The following EPHA6 variants were observed in gnomAD, a reference collection of about 807,000 sequenced individuals.
The protein encoded by EPHA6 is EPH receptor A6.
In EPHA6, 50 loss-of-function variants were observed where a neutral mutation model predicts 112.0. That is an observed-to-expected ratio of 0.45 (90% CI 0.36 to 0.56). The LOEUF is 0.56. EPHA6 is among the 20% of genes least tolerant of loss of function. The pLI is 0.00. For synonymous variants in EPHA6, 529 were observed against 490.7 expected, an observed-to-expected ratio of 1.08 and a Z score of -1.03; for missense variants, 1,280 against 1,417.4, an observed-to-expected ratio of 0.90 and a Z score of 1.56.
At chr3:97,067,537 A>AATATATAT (rs10544034) in intron 3 of EPHA6, among the ~76,000 whole-genome samples, 1,865 of 148,050 alleles carry the variant, frequency 0.013, 38 homozygotes, top group African/African-American at 0.039. Context: ...TTATCAGGAA[A>AATATATAT]ATATATATAT....
chr3:97,732,933 A>G (rs2035100204), intron 15 of EPHA6, among the ~76,000 whole-genome samples: 1 of 152,050 alleles, frequency 6.6e-6, no homozygotes, highest in Non-Finnish European at 1.5e-5. Flanking sequence ...TGTAAATTAA[A>G]GAATTGAGGA....
intron 5 of EPHA6, among the ~76,000 whole-genome samples, chr3:97,244,905 A>T (rs2078943223): frequency 6.6e-6 from 1 of 151,968 alleles, no homozygotes; most frequent in African/African-American, 2.4e-5. Context: ...TCAGGCGCAA[A>T]CACTCCTATG....
chr3:97,083,849 A>C (rs2046801578), intron 3 of EPHA6, among the ~76,000 whole-genome samples: 1 of 151,654 alleles, frequency 6.6e-6, no homozygotes, highest in Non-Finnish European at 1.5e-5. Flanking sequence ...TCATTAATGG[A>C]AAAATGGGTA....
rs143454326 is a variant in EPHA6, at chr3:96,957,335, G to A, written c.451-29995G>A. ...TTGCATGGCTAAAGATATAACTATGGTAGACAGACGTTCTCAATTTAATTT... is the reference window on the plus strand; with the variant it reads ...TTGCATGGCTAAAGATATAACTATGATAGACAGACGTTCTCAATTTAATTT... On this transcript the variant is annotated intron_variant, in intron 2 of 17. Transcript: ENST00000389672. 4.6e-5 allele frequency among the ~76,000 whole-genome samples: 7 copies of A among 152,296 alleles called. 1 individual carries two copies. The South Asian group carries it at 1.0e-3, about 23-fold the overall frequency.
intron 11 of EPHA6, among the ~76,000 whole-genome samples, chr3:97,542,358 CCTT>C (rs1325455036): frequency 6.6e-6 from 1 of 151,980 alleles, no homozygotes; most frequent in East Asian, 1.9e-4. Flanking sequence ...GGTTTTTTGT[CCTT>C]CTGATATTTT....
Position 97,588,417 on chromosome 3 carries a change from T to TTAAGG in EPHA6, c.2387-4194_2387-4193insAAGGT, listed in dbSNP as rs550082279. 6.9e-3 allele frequency among the ~76,000 whole-genome samples: 1,046 copies of TTAAGG among 152,332 alleles called. 5 individuals are homozygous for TTAAGG. The highest frequency in any genetic ancestry group is 0.023 in the African/African-American group (961 of 41,572). ...GTCTACTTATAGATCTTAATGTGTA[T>TTAAGG]TTGCAAAAATGCAACCTAATGAAAA... On this transcript the variant is annotated intron_variant, in intron 11 of 17. Transcript: ENST00000389672.
intron 2 of EPHA6, among the ~76,000 whole-genome samples, chr3:96,885,374 T>A (rs2037565321): frequency 6.6e-6 from 1 of 152,170 alleles, no homozygotes; most frequent in Admixed American, 6.5e-5. Flanking sequence ...TTTTGGTTGG[T>A]ATTTTTTAAA....
At chr3:97,500,188 C>T (rs1354213354) in intron 10 of EPHA6, among the ~76,000 whole-genome samples, 3 of 152,264 alleles carry the variant, frequency 2.0e-5, no homozygotes, top group African/African-American at 7.2e-5. Context: ...TGTCTTCCAC[C>T]TCCACATCTT....
At chr3:97,636,800 G>T (rs929872099) in intron 13 of EPHA6, among the ~76,000 whole-genome samples, 6 of 151,924 alleles carry the variant, frequency 3.9e-5, no homozygotes, top group African/African-American at 1.5e-4. Context: ...TGCTTCTAAT[G>T]TATAACATAA....
At chr3:97,507,075 TG>T (rs1456666153) in intron 10 of EPHA6, among the ~76,000 whole-genome samples, 1 of 152,198 alleles carries the variant, frequency 6.6e-6, no homozygotes, top group Non-Finnish European at 1.5e-5. Flanking sequence ...GCTGAGATGA[TG>T]GGGTTTTCTA....
chr3:97,488,746 C>G (rs2091761004), intron 10 of EPHA6, among the ~76,000 whole-genome samples: 1 of 152,140 alleles, frequency 6.6e-6, no homozygotes, highest in African/African-American at 2.4e-5. Flanking sequence ...GAGATTCATT[C>G]TTGTCCATCA....
At chr3:97,648,079 C>G (rs2094079519) in intron 14 of EPHA6, among the ~76,000 whole-genome samples, 2 of 152,096 alleles carry the variant, frequency 1.3e-5, no homozygotes, top group Non-Finnish European at 2.9e-5. Flanking sequence ...TATTGCAATA[C>G]TCGTTAAAAA....
At chr3:97,477,508 A>C (rs1045504994) in intron 8 of EPHA6, among the ~76,000 whole-genome samples, 1 of 150,542 alleles carries the variant, frequency 6.6e-6, no homozygotes, top group East Asian at 1.9e-4. Context: ...AAGGAGAGAA[A>C]GAGAGAGAGG....
Position 97,078,926 on chromosome 3 carries a change from G to A in EPHA6, c.1114+90933G>A, listed in dbSNP as rs75499334. ...ATGTTGCATCAACTTAGTTGATATA[G>A]CAGCAGCCATTGTGAAGACAGTGTG... On this transcript the variant is annotated intron_variant, in intron 3 of 17. Transcript: ENST00000389672. Among the ~76,000 whole-genome samples the A allele has an allele frequency of 2.3e-3, 350 of 152,240 alleles. 1 individual carries two copies. The highest frequency in any genetic ancestry group is 2.8e-3 in the Non-Finnish European group (188 of 67,996).
intron 5 of EPHA6, among the ~76,000 whole-genome samples, chr3:97,272,795 G>C (rs1013448532): frequency 2.0e-5 from 3 of 152,120 alleles, no homozygotes; most frequent in South Asian, 2.1e-4. Flanking sequence ...GGCAGGAACC[G>C]GCCATCTGGA....
At chr3:97,575,627 G>A (rs1295202001) in intron 11 of EPHA6, among the ~76,000 whole-genome samples, 1 of 152,164 alleles carries the variant, frequency 6.6e-6, no homozygotes, top group African/African-American at 2.4e-5. Flanking sequence ...TGTTAATAAC[G>A]ATAGTTTGTG....
chr3:97,006,952 A>G (rs140572845), intron 3 of EPHA6, among the ~76,000 whole-genome samples: 1 of 152,108 alleles, frequency 6.6e-6, no homozygotes, highest in Non-Finnish European at 1.5e-5. Flanking sequence ...ATTTGATTGC[A>G]CTGTGTTTGG....
In EPHA6 at chr3:97,587,009, G is replaced by A. The variant is rs560924198; in HGVS notation, c.2387-5603G>A. 5.3e-5 allele frequency among the ~76,000 whole-genome samples: 8 copies of A among 152,254 alleles called. No homozygotes were observed. In the South Asian group the frequency reaches 6.2e-4, roughly 12 times the overall value. Reference sequence around the variant, plus strand: ...TGCAATCCCAGCACTTTGGAAAGCCGAGGTGGGCGGATCACCTGAGGTCAG... The same window carrying A: ...TGCAATCCCAGCACTTTGGAAAGCCAAGGTGGGCGGATCACCTGAGGTCAG... On this transcript the variant is annotated intron_variant, in intron 11 of 17. Transcript: ENST00000389672.
chr3:97,155,177 G>A (rs1203763997), intron 3 of EPHA6, among the ~76,000 whole-genome samples: 1 of 152,038 alleles, frequency 6.6e-6, no homozygotes, highest in Non-Finnish European at 1.5e-5. Flanking sequence ...AGGCAATATT[G>A]AGGAAAGAAA....
Sources: allele counts gnomAD v4.1 joint callset (sites outside exome capture counted in the v4.1 genomes callset), GRCh38; gene constraint gnomAD v4.1.1; transcripts MANE v1.5; gene names NCBI Gene and HGNC (gene_info 2026-07-23, HGNC 2026-07-21).